The following FOXN3 variants were observed in gnomAD, a reference collection of about 807,000 sequenced individuals.
FOXN3 encodes forkhead box N3, also known as forkhead box protein N3.
Under a neutral mutation model 38.4 loss-of-function variants are expected in FOXN3, and 7 were observed. The observed-to-expected ratio is 0.18, with a 90% CI of 0.10 to 0.34. FOXN3 has a LOEUF of 0.34. Among genes scored for constraint, FOXN3 ranks in the 10% least tolerant of loss-of-function variants. The pLI is 1.00. For synonymous variants in FOXN3, 230 were observed against 242.2 expected (o/e 0.95, Z 0.47); for missense variants, 456 against 613.4 (o/e 0.74, Z 2.71).
At chr14:89,536,339 G>T (rs569936466) in intron 1 of FOXN3, among the ~76,000 whole-genome samples, 3 of 152,332 alleles carry the variant, frequency 2.0e-5, no homozygotes, top group Middle Eastern at 3.4e-3. Flanking sequence ...AAGCTGCTGT[G>T]AGGATTAAAG....
rs1242492507 is a variant in FOXN3, at chr14:89,427,241, AG to A, written c.-14-14752del. ...GAGCCTCTGTCTCAAAAAAAAAAAA[AG>A]AAAAGAGAAGAAAAAGAAAAAGAAG... On this transcript the variant is annotated intron_variant, in intron 1 of 6. Coordinates refer to the FOXN3 transcript ENST00000345097. 6.7e-5 allele frequency among the ~76,000 whole-genome samples: 10 copies of A among 148,916 alleles called. 1 individual carries two copies. The highest frequency in any genetic ancestry group is 2.1e-4 in the South Asian group (1 of 4,756).
intron 1 of FOXN3, among the ~76,000 whole-genome samples, chr14:89,564,614 A>C (rs1895313660): frequency 1.3e-5 from 2 of 152,206 alleles, no homozygotes; most frequent in South Asian, 4.1e-4. Context: ...CCCTCTATGG[A>C]AAAACCTTAC....
intron 3 of FOXN3, among the ~76,000 whole-genome samples, chr14:89,294,258 T>C (rs1234669777): frequency 6.6e-6 from 1 of 152,076 alleles, no homozygotes; most frequent in African/African-American, 2.4e-5. Flanking sequence ...CAAAGCACAA[T>C]ATCTTCAGGC....
At chr14:89,406,353 A>C (rs1420008428) in intron 2 of FOXN3, among the ~76,000 whole-genome samples, 1 of 152,118 alleles carries the variant, frequency 6.6e-6, no homozygotes, top group Non-Finnish European at 1.5e-5. Flanking sequence ...CCAGGAGTTC[A>C]AGGTTTCAGT....
At chr14:89,188,123 TAGCCTTCTAAAAAAA>T (rs1887856643) in intron 4 of FOXN3, among the ~76,000 whole-genome samples, 1 of 152,102 alleles carries the variant, frequency 6.6e-6, no homozygotes, top group African/African-American at 2.4e-5. Context: ...ACAGCGGTAA[TAGCCTTCTAAAAAAA>T]AGCCTTCTAA....
chr14:89,201,094 G>C (rs928626668), intron 4 of FOXN3, among the ~76,000 whole-genome samples: 1 of 152,178 alleles, frequency 6.6e-6, no homozygotes, highest in Non-Finnish European at 1.5e-5. Context: ...CTTGTCTGAG[G>C]TCAGTTTATA....
intron 1 of FOXN3, among the ~76,000 whole-genome samples, chr14:89,470,441 C>A (rs1205259861): frequency 6.6e-6 from 1 of 152,174 alleles, no homozygotes; most frequent in Admixed American, 6.5e-5. Context: ...AATTATTTAA[C>A]CTCTTTGTGC....
chr14:89,538,013 A>G (rs1894722949), intron 1 of FOXN3, among the ~76,000 whole-genome samples: 1 of 152,328 alleles, frequency 6.6e-6, no homozygotes, highest in East Asian at 1.9e-4. Flanking sequence ...TTTCAATTGG[A>G]ACTGAAAACA....
At chr14:89,277,901 T>A (rs149510500) in intron 4 of FOXN3, among the ~76,000 whole-genome samples, 9 of 152,232 alleles carry the variant, frequency 5.9e-5, no homozygotes, top group African/African-American at 2.2e-4. Flanking sequence ...CTAAGTTCTC[T>A]GGTTATTTCT....
chr14:89,262,117 A>AT (rs2139893231), intron 4 of FOXN3, among the ~76,000 whole-genome samples: 1 of 151,866 alleles, frequency 6.6e-6, no homozygotes, highest in East Asian at 1.9e-4. Context: ...GAAAAAAAAA[A>AT]GGAGAAGAAG....
At chr14:89,415,508 C>T (rs1323955424) in intron 1 of FOXN3, among the ~76,000 whole-genome samples, 1 of 150,396 alleles carries the variant, frequency 6.6e-6, no homozygotes, top group Admixed American at 6.7e-5. Flanking sequence ...TCCAACCACT[C>T]ACTGCATCCC....
At chr14:89,399,480 G>C (rs1011650245) in intron 2 of FOXN3, among the ~76,000 whole-genome samples, 1 of 152,132 alleles carries the variant, frequency 6.6e-6, no homozygotes, top group Non-Finnish European at 1.5e-5. Flanking sequence ...CACTGCTCCC[G>C]CTCCATGGGA....
At chr14:89,447,053 G>A (rs930250596) in intron 1 of FOXN3, among the ~76,000 whole-genome samples, 8 of 151,986 alleles carry the variant, frequency 5.3e-5, no homozygotes, top group East Asian at 3.9e-4. Context: ...AAAATTAGCC[G>A]GGTGTGGTGG....
chr14:89,438,849 C>T (rs958238526), intron 1 of FOXN3, among the ~76,000 whole-genome samples: 10 of 152,008 alleles, frequency 6.6e-5, no homozygotes, highest in African/African-American at 2.2e-4. Context: ...CTGCAACCTC[C>T]GCCTCCCAGG....
rs189370097 is a variant in FOXN3 at position 89,511,766 on chromosome 14, G to A, written c.-14-99276C>T. 1.1e-3 allele frequency among the ~76,000 whole-genome samples: 165 copies of A among 152,238 alleles called. 2 individuals are homozygous for A. Among genetic ancestry groups the A allele is most frequent in the East Asian group, 3.9e-4 (2 of 5,180 alleles). On this transcript the variant is annotated intron_variant, in intron 1 of 6. Coordinates refer to the FOXN3 transcript ENST00000345097. Reference sequence around the variant, plus strand: ...AAGAAAAGAAGTTTAATTGACTCACGGTTCTGCAGGGCTGGGGAGGCCTCA... The same window carrying A: ...AAGAAAAGAAGTTTAATTGACTCACAGTTCTGCAGGGCTGGGGAGGCCTCA...
Position 89,161,692 on chromosome 14 carries a change from A to G in FOXN3, c.*722T>C, listed in dbSNP as rs1887110444. ...AATTCAATGATTAGCAACATCACTA[A>G]AAATTTACCCCATTTCTTCTCCATG... On this transcript the variant is annotated 3_prime_UTR_variant, in exon 6 of 6. Transcript: ENST00000557258. The G allele has an allele frequency of 6.6e-6, 1 of 152,498 alleles. No individual in the cohort carries two copies. The highest frequency in any genetic ancestry group is 2.4e-5 in the African/African-American group (1 of 41,376). 9.4% of individuals were successfully genotyped at this position (152,498 alleles called of 1,614,324 possible). A position where few individuals can be genotyped will look rare whatever the true frequency, so the allele number is the denominator to read the frequency against.
At chr14:89,409,504 T>A (rs1596258031) in intron 2 of FOXN3, 1 of 152,386 alleles carries the variant, frequency 6.6e-6, no homozygotes, top group East Asian at 1.9e-4. Flanking sequence ...CATTTCAGAG[T>A]GTGCATTTGC....
Position 89,417,094 on chromosome 14 carries a change from G to GCGCCGCGCGTCCTCCCGCCGGCCC in FOXN3, c.-262_-239dup, listed in dbSNP as rs1891763826. The stretch of plus-strand genomic sequence containing the variant: ...ATGGGACCTGCGGCGTCCGCCGGGC[G>GCGCCGCGCGTCCTCCCGCCGGCCC]CGCCGCGCGTCCTCCCGCCGGCCCC... On this transcript the variant is annotated 5_prime_UTR_variant, in exon 1 of 6. Transcript: ENST00000557258. The GCGCCGCGCGTCCTCCCGCCGGCCC allele has an allele frequency of 6.9e-6, 1 of 144,046 alleles. No homozygotes were observed. Among genetic ancestry groups the GCGCCGCGCGTCCTCCCGCCGGCCC allele is most frequent in the Non-Finnish European group, 1.5e-5 (1 of 64,954 alleles). The allele number at this position is 144,046 out of a possible 1,614,324, so 8.9% of individuals were successfully genotyped here. A position where few individuals can be genotyped will look rare whatever the true frequency, so the allele number is the denominator to read the frequency against.
At chr14:89,580,103 T>C (rs1895714655) in intron 1 of FOXN3, among the ~76,000 whole-genome samples, 1 of 152,170 alleles carries the variant, frequency 6.6e-6, no homozygotes, top group Non-Finnish European at 1.5e-5. Flanking sequence ...ATAACCCATA[T>C]TTCTAAACAC....
Sources: gnomAD v4.1 joint callset for allele counts (sites outside exome capture counted in the v4.1 genomes callset) on GRCh38, gnomAD v4.1.1 for gene constraint, MANE v1.5 for transcripts, NCBI Gene and HGNC (gene_info 2026-07-23, HGNC 2026-07-21) for gene names.